The following ZCCHC24 variants were observed in gnomAD, a reference collection of about 807,000 sequenced individuals.
ZCCHC24 encodes the protein zinc finger CCHC-type containing 24.
A neutral mutation model predicts 26.2 loss-of-function variants in ZCCHC24; 10 were observed. The observed-to-expected ratio is 0.38, with a 90% CI of 0.24 to 0.65. The LOEUF (loss-of-function observed/expected upper bound fraction) is 0.65. ZCCHC24 is among the 30% of genes least tolerant of loss of function. ZCCHC24 has a pLI of 0.54. For synonymous variants in ZCCHC24, 144 were observed against 147.1 expected, an observed-to-expected ratio of 0.98 and a Z score of 0.15; for missense variants, 243 against 329.1, an observed-to-expected ratio of 0.74 and a Z score of 2.03.
At chr10:79,416,161 C>T (rs1394919667) in intron 2 of ZCCHC24, among the ~76,000 whole-genome samples, 1 of 152,084 alleles carries the variant, frequency 6.6e-6, no homozygotes, top group Non-Finnish European at 1.5e-5. Context: ...GCTTGGCTTT[C>T]GTCATTTCCA....
At chr10:79,444,136 A>G (rs1205902609) in intron 1 of ZCCHC24, 1 of 1,545,808 alleles carries the variant, frequency 6.5e-7, no homozygotes, top group African/African-American at 1.4e-5. Context: ...AGTGACCCCC[A>G]TGTGTGTCCT....
chr10:79,414,918 C>T (rs1856840213), intron 2 of ZCCHC24, among the ~76,000 whole-genome samples: 1 of 152,232 alleles, frequency 6.6e-6, no homozygotes, highest in South Asian at 2.1e-4. Flanking sequence ...CTGCAAGTAA[C>T]TGGCCTAAGG....
chr10:79,432,830 C>A, intron 1 of ZCCHC24, 72 bp from the exon 2 acceptor site: 5 of 1,498,994 alleles, frequency 3.3e-6, no homozygotes, highest in Non-Finnish European at 4.5e-6. Flanking sequence ...CACCCAAACA[C>A]ACGCATGGAT....
chr10:79,401,787 G>A (rs960277815), intron 2 of ZCCHC24, among the ~76,000 whole-genome samples: 6 of 152,210 alleles, frequency 3.9e-5, no homozygotes, highest in Admixed American at 1.3e-4. Flanking sequence ...CGACCCCACC[G>A]TGCGTCCAGC....
chr10:79,407,007 T>C (rs758158772), intron 2 of ZCCHC24, among the ~76,000 whole-genome samples: 1 of 152,226 alleles, frequency 6.6e-6, no homozygotes, highest in Non-Finnish European at 1.5e-5. Flanking sequence ...CTGCACTTCC[T>C]CCGGGAAGCC....
chr10:79,444,555 C>T (rs924310676), intron 1 of ZCCHC24, among the ~76,000 whole-genome samples: 7 of 151,788 alleles, frequency 4.6e-5, no homozygotes, highest in Admixed American at 6.6e-5. Flanking sequence ...CTGGGGACAG[C>T]GCAGTCTGTG....
chr10:79,394,692 G>A (rs754727455), intron 2 of ZCCHC24: 6 of 949,526 alleles, frequency 6.3e-6, no homozygotes, highest in Non-Finnish European at 7.5e-6. Context: ...GTCTCTTCTA[G>A]ATTTAAGGGG....
At position 79,413,056 on chromosome 10, in the gene ZCCHC24, G is replaced by A. The variant is rs1288158887; in HGVS notation, c.448-18616C>T. ...GTCTGCAATCCATCATTTTATCTCTGAAGGATTATATGGAAGTCTACCCAG... is the reference window on the plus strand; with the variant it reads ...GTCTGCAATCCATCATTTTATCTCTAAAGGATTATATGGAAGTCTACCCAG... On this transcript the variant is annotated intron_variant, in intron 2 of 3. Transcript: ENST00000372336. Among the ~76,000 whole-genome samples the A allele has an allele frequency of 2.0e-5, 3 of 152,264 alleles. No homozygotes were observed. The East Asian group carries it at 5.8e-4, about 29-fold the overall frequency.
At chr10:79,428,493 A>AGTTTTGCAAGATAAATTTC (rs1857077163) in intron 2 of ZCCHC24, among the ~76,000 whole-genome samples, 1 of 99,954 alleles carries the variant, frequency 1.0e-5, no homozygotes, top group African/African-American at 3.9e-5. Flanking sequence ...GCAAGATAAA[A>AGTTTTGCAAGATAAATTTC]AGAGCTCTGT....
intron 3 of ZCCHC24, among the ~76,000 whole-genome samples, chr10:79,392,963 A>C (rs533716647): frequency 6.6e-6 from 1 of 152,238 alleles, no homozygotes; most frequent in East Asian, 1.9e-4. Flanking sequence ...TTGAGCACCA[A>C]CCACCAGCCA....
intron 2 of ZCCHC24, among the ~76,000 whole-genome samples, chr10:79,420,965 A>G (rs1856925834): frequency 6.6e-6 from 1 of 152,140 alleles, no homozygotes; most frequent in African/African-American, 2.4e-5. Flanking sequence ...GCCTAGAAAG[A>G]CTGAATGAAT....
chr10:79,404,227 TGC>T (rs1447215344), intron 2 of ZCCHC24, among the ~76,000 whole-genome samples: 1 of 152,168 alleles, frequency 6.6e-6, no homozygotes, highest in Non-Finnish European at 1.5e-5. Flanking sequence ...GAGGCGCTGC[TGC>T]CCAGAAGGCA....
At chr10:79,390,327 G>A (rs1281807205) in intron 3 of ZCCHC24, among the ~76,000 whole-genome samples, 1 of 152,242 alleles carries the variant, frequency 6.6e-6, no homozygotes, top group African/African-American at 2.4e-5. Context: ...ACATGATAGG[G>A]TTGCTGTGAA....
In ZCCHC24 at chr10:79,399,908, C is replaced by T. The variant is rs565666255; in HGVS notation, c.448-5468G>A. Among the ~76,000 whole-genome samples the T allele has an allele frequency of 8.5e-5, 13 of 152,262 alleles. No individual in the cohort carries two copies. In the South Asian group the frequency reaches 2.3e-3, roughly 27 times the overall value. On this transcript the variant is annotated intron_variant, in intron 2 of 3. Transcript: ENST00000372336. ...TTGAGGTTGGCTGGGAGGTGGTGAG[C>T]TGCCTTTTACTGGGGGTATGCAAGC...
intron 3 of ZCCHC24, among the ~76,000 whole-genome samples, chr10:79,389,529 A>AGAGT (rs1554839980): frequency 6.8e-6 from 1 of 146,230 alleles, no homozygotes; most frequent in African/African-American, 2.6e-5. Flanking sequence ...ACTTTTTCCT[A>AGAGT]GTGTGTGTGT....
chr10:79,392,381 G>A (rs778495108), intron 3 of ZCCHC24, among the ~76,000 whole-genome samples: 6 of 152,092 alleles, frequency 3.9e-5, no homozygotes, highest in Admixed American at 6.5e-5. Flanking sequence ...GCCCCAGCCC[G>A]CTTGTCTCCC....
intron 3 of ZCCHC24, among the ~76,000 whole-genome samples, chr10:79,391,103 A>G (rs1856474000): frequency 1.3e-5 from 2 of 152,256 alleles, no homozygotes; most frequent in East Asian, 3.9e-4. Context: ...TTGACTACTC[A>G]AGTCCTGTCT....
At chr10:79,435,488 C>G (rs1219826745) in intron 1 of ZCCHC24, among the ~76,000 whole-genome samples, 1 of 152,252 alleles carries the variant, frequency 6.6e-6, no homozygotes, top group Non-Finnish European at 1.5e-5. Flanking sequence ...AGCCTTGCCC[C>G]TGCCCCAGGC....
At chr10:79,427,670 C>A (rs1857052431) in intron 2 of ZCCHC24, among the ~76,000 whole-genome samples, 1 of 150,420 alleles carries the variant, frequency 6.6e-6, no homozygotes, top group African/African-American at 2.4e-5. Flanking sequence ...TATACCAAAA[C>A]TTATGGGATG....
Sources: gnomAD v4.1 joint callset for allele counts (sites outside exome capture counted in the v4.1 genomes callset) on GRCh38, gnomAD v4.1.1 for gene constraint, MANE v1.5 for transcripts, NCBI Gene and HGNC (gene_info 2026-07-23, HGNC 2026-07-21) for gene names.